The following KCNT1 variants were observed in gnomAD, a reference collection of about 807,000 sequenced individuals.
KCNT1 encodes potassium channel subfamily T member 1.
KCNT1 carries 78 observed loss-of-function variants against 147.8 expected under a neutral mutation model. The ratio of observed to expected loss-of-function variants is 0.53; its 90% CI spans 0.44 to 0.64. The LOEUF (loss-of-function observed/expected upper bound fraction) is 0.64, where lower values mean the gene tolerates loss of function less well. Among genes scored for constraint, KCNT1 ranks in the 30% least tolerant of loss-of-function variants. The probability of loss-of-function intolerance (pLI) is 0.00; values close to 1 mark genes in which losing one functional copy is unlikely to be tolerated. For missense variants in KCNT1, 1,419 were observed against 1,750.3 expected, an observed-to-expected ratio of 0.81 and a Z score of 3.38; for synonymous variants, 867 against 748.8, an observed-to-expected ratio of 1.16 and a Z score of -2.58.
At chr9:135,712,939 G>A (rs911144740) in intron 1 of KCNT1, among the ~76,000 whole-genome samples, 3 of 152,192 alleles carry the variant, frequency 2.0e-5, no homozygotes, top group Admixed American at 6.5e-5. Context: ...GGGAGCAGGG[G>A]TGGGGCCAGG....
chr9:135,703,509 G>T (rs1310062362), intron 1 of KCNT1, among the ~76,000 whole-genome samples: 2 of 152,210 alleles, frequency 1.3e-5, no homozygotes, highest in Admixed American at 6.5e-5. Flanking sequence ...GGGGTACAGC[G>T]TGTGTGAGGA....
rs760069586 is a variant in KCNT1 at position 135,791,889 on chromosome 9, G to T, written c.3587+8G>T. The T allele has an allele frequency of 1.2e-6, 2 of 1,613,300 alleles. No individual in the cohort carries two copies. The highest frequency in any genetic ancestry group is 3.3e-5 in the Admixed American group (2 of 60,008). ...GGAGCCCAGTGACATTGTGTGAGTAGCACCTGTGGGCTGTGTGGAGACCCC... is the reference window on the plus strand; with the variant it reads ...GGAGCCCAGTGACATTGTGTGAGTATCACCTGTGGGCTGTGTGGAGACCCC... On this transcript the variant is annotated splice_region_variant and intron_variant, in intron 30 of 30. Coordinates refer to ENST00000371757, the MANE Select transcript of KCNT1 (RefSeq NM_020822.3).
At chr9:135,784,367 T>C (rs113059588) in intron 25 of KCNT1, among the ~76,000 whole-genome samples, 168 bp from the exon 26 acceptor site, 9 of 152,188 alleles carry the variant, frequency 5.9e-5, no homozygotes, top group Non-Finnish European at 8.8e-5. Context: ...CTGTGGGTCA[T>C]GTGGTGCTTG....
intron 2 of KCNT1, among the ~76,000 whole-genome samples, chr9:135,737,474 C>T (rs1372583008): frequency 1.3e-5 from 2 of 152,098 alleles, no homozygotes; most frequent in Admixed American, 6.5e-5. Flanking sequence ...CTAGATGCTG[C>T]GGGGGAAATG....
intron 25 of KCNT1, 27 bp from the exon 26 acceptor site, chr9:135,784,508 T>TG: frequency 5.5e-6 from 1 of 180,746 alleles, no homozygotes. Flanking sequence ...CCTCCCTCCC[T>TG]CCCTCCCTCC....
rs1453223270 is a variant in KCNT1 at position 135,784,008 on chromosome 9, C to T, written c.2842-16C>T. 8.7e-6 allele frequency: 14 copies of T among 1,603,152 alleles called. No individual in the cohort carries two copies. Among genetic ancestry groups the T allele is most frequent in the African/African-American group, 1.3e-5 (1 of 74,894 alleles). On this transcript the variant is annotated splice_polypyrimidine_tract_variant and intron_variant, in intron 24 of 30. Transcript: ENST00000371757. ...ACCTCGGCACCAGCCCATCTGAGGC[C>T]CCTCCTTTCCCACAGAGGGAGCGAG...
At chr9:135,720,421 G>C (rs146403924) in intron 2 of KCNT1, among the ~76,000 whole-genome samples, 4 of 152,186 alleles carry the variant, frequency 2.6e-5, no homozygotes, top group South Asian at 2.1e-4. Context: ...TGGGTGACTC[G>C]GTGTGCTGAG....
chr9:135,745,233 G>A lies in KCNT1; in HGVS notation c.255-4865G>A, dbSNP rs536401382. On this transcript the variant is annotated intron_variant, in intron 2 of 30. Coordinates refer to ENST00000371757, the MANE Select transcript of KCNT1 (RefSeq NM_020822.3). ...TCCTTGCCTATTGTCCTGGGAGCCT[G>A]CGTTCACAGGCAGGTTCTTCCTAGC... 1.6e-3 allele frequency among the ~76,000 whole-genome samples: 242 copies of A among 152,338 alleles called. 1 individual carries two copies. The highest frequency in any genetic ancestry group is 5.7e-3 in the African/African-American group (235 of 41,586).
Position 135,786,235 on chromosome 9 carries a change from A to G in KCNT1, c.3216A>G (p.Thr1072=), listed in dbSNP as rs1834037246. 2 of 1,611,028 alleles carry G rather than the reference A, an allele frequency of 1.2e-6. No individual in the cohort carries two copies. Among genetic ancestry groups the G allele is most frequent in the Non-Finnish European group, 1.7e-6 (2 of 1,179,368 alleles). ...ISVNVEDCED[T]REVKGPWGSR... ...TGAACGTGGAGGACTGTGAGGACAC[A>G]CGGGAAGTGAAGGGGCCCTGGGGCT... The change falls in exon 29 of 31, where the codon ACA becomes ACG. Residue 1072 remains threonine (T), a synonymous_variant. Transcript: ENST00000371757.
intron 12 of KCNT1, among the ~76,000 whole-genome samples, 154 bp downstream of exon 12, chr9:135,765,349 CGCCATCCTCTCCCCAG>C (rs1375093933): frequency 6.9e-6 from 1 of 145,136 alleles, no homozygotes; most frequent in Non-Finnish European, 1.5e-5. Context: ...CGCCCAGAGA[CGCCATCCTCTCCCCAG>C]GACTGCCATC....
chr9:135,750,879 C>A lies in KCNT1; in HGVS notation c.335-63C>A. ...CAGAGAGCCCAGCCAGACCCGGGTGCAGGCCCTGCTCCCCGAAGCCCAGAG... is the reference window on the plus strand; with the variant it reads ...CAGAGAGCCCAGCCAGACCCGGGTGAAGGCCCTGCTCCCCGAAGCCCAGAG... On this transcript the variant is annotated intron_variant, in intron 3 of 30. Coordinates refer to ENST00000371757, the MANE Select transcript of KCNT1 (RefSeq NM_020822.3). The A allele has an allele frequency of 7.4e-6, 11 of 1,480,970 alleles. No individual in the cohort carries two copies. The South Asian group carries it at 1.2e-4, about 17-fold the overall frequency. 91.7% of individuals were successfully genotyped at this position (1,480,970 alleles called of 1,614,324 possible).
Position 135,705,534 on chromosome 9 carries a change from C to G in KCNT1, c.110+3166C>G, listed in dbSNP as rs571380505. ...CCAGCTTGTGTGACCTTGAAGTCAC[C>G]GGTCATGAGTCTGGGGAAAGGCAGG... On this transcript the variant is annotated intron_variant, in intron 1 of 30. Transcript: ENST00000371757. 4.6e-5 allele frequency among the ~76,000 whole-genome samples: 7 copies of G among 152,312 alleles called. No homozygotes were observed. The East Asian group carries it at 1.4e-3, about 29-fold the overall frequency.
At position 135,770,010 on chromosome 9, in the gene KCNT1, C is replaced by T. The variant is rs756683505; in HGVS notation, c.1574C>T (p.Ala525Val). The change falls in exon 16 of 31, where the codon GCG becomes GTG. Residue 525 changes from alanine to valine, a missense_variant. Around this residue, in one of 5 missense-constraint regions of KCNT1, gnomAD observed 401 missense variants for 610.6 expected, o/e 0.66. Transcript: ENST00000371757. ...CTGGCGCTGAACTGCATCTGCCCGGCGACCTCCACCCTCATCACCCTGCTG... is the reference window on the plus strand; with the variant it reads ...CTGGCGCTGAACTGCATCTGCCCGGTGACCTCCACCCTCATCACCCTGCTG... ...AMLALNCICP[A>V]TSTLITLLVH... The T allele has an allele frequency of 1.9e-6, 3 of 1,556,256 alleles. No individual in the cohort carries two copies. The highest frequency in any genetic ancestry group is 1.2e-5 in the South Asian group (1 of 84,398).
chr9:135,751,321 G>A (rs1831153355), intron 4 of KCNT1, among the ~76,000 whole-genome samples: 1 of 151,942 alleles, frequency 6.6e-6, no homozygotes, highest in Non-Finnish European at 1.5e-5. Context: ...AAAGGCTGGA[G>A]CATCTAGGAT....
chr9:135,774,292 GTGGT>G (rs1418270063), intron 19 of KCNT1, among the ~76,000 whole-genome samples: 1 of 149,046 alleles, frequency 6.7e-6, no homozygotes, highest in African/African-American at 2.5e-5. Context: ...TGTGTTGTGT[GTGGT>G]GTGTGTGTCT....
intron 11 of KCNT1, among the ~76,000 whole-genome samples, chr9:135,762,232 CCA>C (rs1831964677): frequency 6.6e-6 from 1 of 152,124 alleles, no homozygotes; most frequent in Non-Finnish European, 1.5e-5. Context: ...TCGCTTGAGC[CCA>C]GGAATTTGAG....
chr9:135,736,261 C>G (rs1830330968), intron 2 of KCNT1, among the ~76,000 whole-genome samples: 1 of 152,182 alleles, frequency 6.6e-6, no homozygotes, highest in Non-Finnish European at 1.5e-5. Context: ...CGCAGGCCGG[C>G]TGGAGGGCCC....
At chr9:135,781,168 C>G (rs1833582863) in intron 24 of KCNT1, among the ~76,000 whole-genome samples, 1 of 152,268 alleles carries the variant, frequency 6.6e-6, no homozygotes, top group African/African-American at 2.4e-5. Context: ...TGGGCTCCAG[C>G]TCCAGTCATG....
intron 13 of KCNT1, chr9:135,768,369 A>C (rs1588353011): frequency 7.2e-5 from 8 of 110,454 alleles, no homozygotes; most frequent in South Asian, 3.5e-4. Context: ...CAGTATGGGG[A>C]TGCCCACTGA....
Sources: gnomAD v4.1 joint callset for allele counts (sites outside exome capture counted in the v4.1 genomes callset) on GRCh38, gnomAD v4.1.1 for gene constraint, gnomAD v4.1.1 regional missense constraint, MANE v1.5 for transcripts, NCBI Gene and HGNC (gene_info 2026-07-23, HGNC 2026-07-21) for gene names.